The following NBEA variants were observed in gnomAD, a reference collection of about 807,000 sequenced individuals.
NBEA encodes the protein lysosomal-trafficking regulator 2.
In NBEA, 44 loss-of-function variants were observed where a neutral mutation model predicts 343.4. The observed-to-expected ratio is 0.13, with a 90% CI of 0.10 to 0.16. NBEA has a LOEUF of 0.16. NBEA is among the 10% of genes least tolerant of loss of function. The pLI, the probability that NBEA is intolerant of heterozygous loss-of-function variation, is 1.00. For synonymous variants in NBEA, 1,175 were observed against 1,238.7 expected (o/e 0.95, Z 1.08); for missense variants, 2,555 against 3,631.3 (o/e 0.70, Z 7.62).
chr13:35,633,420 G>A (rs1160785467), intron 49 of NBEA, among the ~76,000 whole-genome samples: 3 of 150,484 alleles, frequency 2.0e-5, no homozygotes, highest in Non-Finnish European at 4.4e-5. Flanking sequence ...TTTTTCAGCT[G>A]GGCGTGATAG....
At chr13:34,967,431 C>G (rs936826722) in intron 1 of NBEA, among the ~76,000 whole-genome samples, 1 of 151,546 alleles carries the variant, frequency 6.6e-6, no homozygotes, top group South Asian at 2.1e-4. Context: ...CTTTAAGAAG[C>G]CTCTTTTTGG....
chr13:35,213,841 C>T (rs1177996863), intron 33 of NBEA, among the ~76,000 whole-genome samples: 1 of 151,924 alleles, frequency 6.6e-6, no homozygotes, highest in African/African-American at 2.4e-5. Context: ...ATAACCACCA[C>T]CACAATCAAG....
chr13:35,353,223 G>T (rs1411462063), intron 38 of NBEA, among the ~76,000 whole-genome samples: 1 of 152,076 alleles, frequency 6.6e-6, no homozygotes, highest in African/African-American at 2.4e-5. Flanking sequence ...ATCACCTGAG[G>T]TCAGGAGTTT....
chr13:35,602,196 A>G (rs2082084928), intron 47 of NBEA, among the ~76,000 whole-genome samples: 1 of 152,180 alleles, frequency 6.6e-6, no homozygotes. Flanking sequence ...AAACGCTCAT[A>G]TTCTTTGGTT....
intron 48 of NBEA, among the ~76,000 whole-genome samples, chr13:35,611,899 C>T (rs999999740): frequency 1.3e-5 from 2 of 152,136 alleles, no homozygotes; most frequent in East Asian, 3.9e-4. Flanking sequence ...TGTGAACATA[C>T]ATTTTTATTT....
In NBEA at chr13:35,028,574, A is replaced by G. The variant is rs758420561; in HGVS notation, c.295-12359A>G. On this transcript the variant is annotated intron_variant, in intron 1 of 58. Coordinates refer to ENST00000379939, the MANE Select transcript of NBEA (RefSeq NM_001385012.1). Reference sequence around the variant, plus strand: ...CTTGGTGATTTCTTTAGGCCGGTTCATGTCATATGCAGATGGAACAGTTTT... The same window carrying G: ...CTTGGTGATTTCTTTAGGCCGGTTCGTGTCATATGCAGATGGAACAGTTTT... Among the ~76,000 whole-genome samples the G allele has an allele frequency of 9.5e-4, 144 of 151,814 alleles. 2 individuals carry two copies. The highest frequency in any genetic ancestry group is 2.0e-3 in the Non-Finnish European group (135 of 67,756).
intron 55 of NBEA, among the ~76,000 whole-genome samples, chr13:35,663,346 A>G (rs551970807): frequency 1.1e-4 from 16 of 152,344 alleles, no homozygotes; most frequent in Admixed American, 9.8e-4. Flanking sequence ...CAGCTCCCAC[A>G]TATGAGTAAG....
intron 30 of NBEA, among the ~76,000 whole-genome samples, chr13:35,184,363 G>C (rs1696899155): frequency 1.3e-5 from 2 of 152,022 alleles, no homozygotes; most frequent in Non-Finnish European, 2.9e-5. Context: ...CAGTTTAGTA[G>C]TGGGACTAAA....
chr13:35,133,928 TA>T (rs527991810), intron 17 of NBEA, among the ~76,000 whole-genome samples: 28 of 148,762 alleles, frequency 1.9e-4, no homozygotes, highest in African/African-American at 5.2e-4. Context: ...TTATTATGTT[TA>T]AAAAAAAAAC....
At chr13:35,100,820 CTTCT>C (rs2065608626) in intron 11 of NBEA, among the ~76,000 whole-genome samples, 2 of 151,740 alleles carry the variant, frequency 1.3e-5, no homozygotes, top group Non-Finnish European at 3.0e-5. Flanking sequence ...AATCTTTTAT[CTTCT>C]TTGTTATTCA....
intron 46 of NBEA, among the ~76,000 whole-genome samples, chr13:35,588,737 TTACAACTTACCC>T (rs568826454): frequency 2.0e-3 from 307 of 152,254 alleles, no homozygotes; most frequent in African/African-American, 7.3e-3. Context: ...TGTTTTTACT[TTACAACTTACCC>T]TAGACATATA....
chr13:35,421,894 T>A (rs1308034689), intron 38 of NBEA, among the ~76,000 whole-genome samples: 1 of 152,134 alleles, frequency 6.6e-6, no homozygotes, highest in East Asian at 1.9e-4. Context: ...TCTGTTTTAC[T>A]TCTGCAGATG....
rs757610729 is a variant in NBEA at position 35,160,026 on chromosome 13, G to T, written c.3855G>T (p.Thr1285=). Residue 1285 remains threonine (T), a synonymous_variant, in exon 22 of 59, where the codon ACG becomes ACT. Coordinates refer to ENST00000379939, the MANE Select transcript of NBEA (RefSeq NM_001385012.1). ...TCCGAAAAATCCAAACAACTACTAC[G>T]ACACAAGTAAGCTACCTTATATGAG... ...KEIRKIQTTT[T]TQAVQGRSIT... 1.3e-6 allele frequency: 2 copies of T among 1,570,576 alleles called. No individual in the cohort carries two copies. The highest frequency in any genetic ancestry group is 1.2e-5 in the South Asian group (1 of 83,116).
intron 36 of NBEA, among the ~76,000 whole-genome samples, chr13:35,323,661 A>G (rs553009514): frequency 1.4e-4 from 21 of 152,020 alleles, no homozygotes; most frequent in Middle Eastern, 3.4e-3. Context: ...ACATGTATAC[A>G]TATGTAACTA....
intron 38 of NBEA, among the ~76,000 whole-genome samples, chr13:35,415,539 G>A (rs1464479055): frequency 6.6e-6 from 1 of 152,158 alleles, no homozygotes; most frequent in Admixed American, 6.5e-5. Context: ...AGATCAGATA[G>A]TTGTAGATGT....
chr13:35,584,415 C>A (rs2081195999), intron 46 of NBEA, among the ~76,000 whole-genome samples: 1 of 151,418 alleles, frequency 6.6e-6, no homozygotes, highest in African/African-American at 2.4e-5. Context: ...AACCCCTGGG[C>A]TCAAAGGATC....
At chr13:35,011,776 C>T (rs965322928) in intron 1 of NBEA, among the ~76,000 whole-genome samples, 6 of 152,134 alleles carry the variant, frequency 3.9e-5, no homozygotes, top group African/African-American at 1.4e-4. Context: ...TCATTTTAGG[C>T]TACTTGATAT....
At chr13:35,076,932 A>G (rs2064146353) in intron 10 of NBEA, among the ~76,000 whole-genome samples, 1 of 152,062 alleles carries the variant, frequency 6.6e-6, no homozygotes, top group South Asian at 2.1e-4. Context: ...GCCCAAAACT[A>G]AAATAAATAT....
At chr13:35,359,124 A>G (rs2040664717) in intron 38 of NBEA, among the ~76,000 whole-genome samples, 1 of 152,212 alleles carries the variant, frequency 6.6e-6, no homozygotes, top group East Asian at 1.9e-4. Context: ...AAGTATTTGA[A>G]CAGGAGAATA....
Sources: gnomAD v4.1 joint callset for allele counts (sites outside exome capture counted in the v4.1 genomes callset) on GRCh38, gnomAD v4.1.1 for gene constraint, MANE v1.5 for transcripts, NCBI Gene and HGNC (gene_info 2026-07-23, HGNC 2026-07-21) for gene names.